The following DCC variants were observed in gnomAD, a reference collection of about 807,000 sequenced individuals.
DCC encodes DCC netrin 1 receptor.
In DCC, 58 loss-of-function variants were observed where a neutral mutation model predicts 172.5. That is an observed-to-expected ratio of 0.34 (90% CI 0.27 to 0.42). DCC has a LOEUF of 0.42. DCC is among the 10% of genes least tolerant of loss of function. The pLI is 1.00. For synonymous variants in DCC, 709 were observed against 644.5 expected (o/e 1.10, Z -1.52); for missense variants, 1,740 against 1,791.0 (o/e 0.97, Z 0.51).
intron 13 of DCC, among the ~76,000 whole-genome samples, chr18:53,312,787 C>A (rs1434085635): frequency 8.7e-6 from 1 of 114,552 alleles, no homozygotes; most frequent in Non-Finnish European, 1.6e-5. Flanking sequence ...CCAGCCTGGG[C>A]GACAGAGCAA....
intron 1 of DCC, among the ~76,000 whole-genome samples, chr18:52,630,217 G>A (rs1407688442): frequency 6.6e-6 from 1 of 152,108 alleles, no homozygotes; most frequent in Non-Finnish European, 1.5e-5. Context: ...TGTGTCAGTC[G>A]TGATTGAAAG....
chr18:52,549,604 C>T (rs77386160), intron 1 of DCC, among the ~76,000 whole-genome samples: 24 of 152,154 alleles, frequency 1.6e-4, no homozygotes, highest in South Asian at 8.3e-4. Flanking sequence ...TAATAGAATA[C>T]TAGAGTAATA....
At chr18:52,697,983 T>C (rs985591261) in intron 1 of DCC, among the ~76,000 whole-genome samples, 2 of 152,244 alleles carry the variant, frequency 1.3e-5, no homozygotes, top group Non-Finnish European at 2.9e-5. Flanking sequence ...TCACCTATCT[T>C]ACTCAGCTCT....
intron 2 of DCC, among the ~76,000 whole-genome samples, chr18:52,801,471 G>C (rs1214423041): frequency 1.3e-5 from 2 of 151,986 alleles, no homozygotes; most frequent in Non-Finnish European, 2.9e-5. Context: ...CCTCACAAAG[G>C]GGTTAATCAT....
intron 18 of DCC, among the ~76,000 whole-genome samples, chr18:53,398,310 A>T (rs748405631): frequency 2.6e-5 from 4 of 152,178 alleles, no homozygotes; most frequent in Non-Finnish European, 5.9e-5. Flanking sequence ...CTATTATTTT[A>T]ACTATTAGAG....
intron 13 of DCC, among the ~76,000 whole-genome samples, chr18:53,320,218 G>A (rs9963815): frequency 0.34 from 51,555 of 151,136 alleles, 9,923 homozygotes; most frequent in East Asian, 0.58. Flanking sequence ...GACCACAGGC[G>A]CCCACCACCA....
chr18:53,080,754 T>G (rs1426162992), intron 7 of DCC, among the ~76,000 whole-genome samples: 1 of 152,126 alleles, frequency 6.6e-6, no homozygotes, highest in Non-Finnish European at 1.5e-5. Flanking sequence ...AGGAAACGGT[T>G]AGCAGTTTGC....
intron 7 of DCC, among the ~76,000 whole-genome samples, chr18:53,083,113 C>G (rs953436211): frequency 1.3e-5 from 2 of 152,064 alleles, no homozygotes; most frequent in East Asian, 3.9e-4. Flanking sequence ...ATCAAAACAT[C>G]TATTATTCTC....
intron 27 of DCC, among the ~76,000 whole-genome samples, chr18:53,500,671 T>C (rs1162072406): frequency 6.6e-6 from 1 of 151,890 alleles, no homozygotes; most frequent in East Asian, 1.9e-4. Context: ...ATGTGCAATA[T>C]GGATACTCAG....
intron 27 of DCC, among the ~76,000 whole-genome samples, chr18:53,499,794 G>A (rs945726959): frequency 6.6e-6 from 1 of 152,142 alleles, no homozygotes; most frequent in Non-Finnish European, 1.5e-5. Context: ...GTGCTTGCTA[G>A]AGAATACTGG....
chr18:53,019,916 A>T (rs1210463302), intron 5 of DCC, among the ~76,000 whole-genome samples: 5 of 152,170 alleles, frequency 3.3e-5, no homozygotes, highest in African/African-American at 1.2e-4. Flanking sequence ...AGGAATTATA[A>T]ACATGGTTTT....
intron 6 of DCC, 133 bp from the exon 7 acceptor site, chr18:53,065,913 C>G: frequency 9.6e-7 from 1 of 1,040,110 alleles, no homozygotes; most frequent in Non-Finnish European, 1.5e-6. Context: ...GTCTGCGAGG[C>G]TGAGACCCCT....
intron 9 of DCC, among the ~76,000 whole-genome samples, chr18:53,200,851 A>G (rs1012647506): frequency 2.0e-5 from 3 of 151,992 alleles, no homozygotes; most frequent in Non-Finnish European, 1.5e-5. Context: ...CCATATTCTC[A>G]TAGGTTTCAC....
chr18:53,038,400 C>T (rs1417493575), intron 5 of DCC, among the ~76,000 whole-genome samples: 5 of 151,976 alleles, frequency 3.3e-5, no homozygotes, highest in Non-Finnish European at 7.4e-5. Context: ...CGCCTACCCT[C>T]AGGACCTAAT....
intron 9 of DCC, among the ~76,000 whole-genome samples, chr18:53,191,507 C>T (rs1023154420): frequency 6.6e-6 from 1 of 151,880 alleles, no homozygotes; most frequent in African/African-American, 2.4e-5. Context: ...TTTTTACTTT[C>T]AATGTGCCTA....
At chr18:53,275,753 C>T (rs1490861920) in intron 12 of DCC, among the ~76,000 whole-genome samples, 1 of 151,940 alleles carries the variant, frequency 6.6e-6, no homozygotes, top group Non-Finnish European at 1.5e-5. Flanking sequence ...TTTTTGAGAG[C>T]TAATGTGGTA....
At chr18:53,063,252 T>C in intron 5 of DCC, 53 bp from the exon 6 acceptor site, 1 of 1,569,802 alleles carries the variant, frequency 6.4e-7, no homozygotes, top group Non-Finnish European at 8.8e-7. Flanking sequence ...CTCAGCAGCA[T>C]GCAAGTTCAC....
chr18:52,506,627 T>A (rs2031239915), intron 1 of DCC, among the ~76,000 whole-genome samples: 1 of 152,164 alleles, frequency 6.6e-6, no homozygotes, highest in African/African-American at 2.4e-5. Flanking sequence ...ATTAATGTTA[T>A]ATGATATTTT....
At chr18:52,959,371 A>C (rs1182358523) in intron 5 of DCC, among the ~76,000 whole-genome samples, 3 of 152,130 alleles carry the variant, frequency 2.0e-5, no homozygotes, top group Admixed American at 2.0e-4. Context: ...AGACTACTTA[A>C]AACCAACTGA....
Sources: gnomAD v4.1 joint callset for allele counts (sites outside exome capture counted in the v4.1 genomes callset) on GRCh38, gnomAD v4.1.1 for gene constraint, MANE v1.5 for transcripts, NCBI Gene and HGNC (gene_info 2026-07-23, HGNC 2026-07-21) for gene names.